The following RGS6 variants were observed in gnomAD, a reference collection of about 807,000 sequenced individuals.
RGS6 encodes the protein regulator of G-protein signaling 6.
In RGS6, 30 loss-of-function variants were observed where a neutral mutation model predicts 78.5. The ratio of observed to expected loss-of-function variants is 0.38; its 90% CI spans 0.29 to 0.52. The LOEUF (loss-of-function observed/expected upper bound fraction) is 0.52, where lower values mean the gene tolerates loss of function less well. Ranked by LOEUF, RGS6 falls within the 20% of genes least tolerant of loss-of-function variation. RGS6 has a pLI of 0.85. For synonymous variants in RGS6, 206 were observed against 206.0 expected (o/e 1.00, Z 0.00); for missense variants, 495 against 609.7 (o/e 0.81, Z 1.98).
At chr14:71,901,444 G>C in the RGS6 span, among the ~76,000 whole-genome samples, 2 of 152,170 alleles carry the variant, frequency 1.3e-5, no homozygotes, top group Admixed American at 1.3e-4. Context: ...TATTCATGTT[G>C]TTATTTTCCA....
chr14:72,067,123 C>T (rs951497002), intron 2 of RGS6, among the ~76,000 whole-genome samples: 4 of 152,114 alleles, frequency 2.6e-5, no homozygotes, highest in East Asian at 1.9e-4. Context: ...AATAAACATA[C>T]GTGTGCATGT....
At chr14:71,995,449 TA>T (rs2095157094) in intron 2 of RGS6, among the ~76,000 whole-genome samples, 1 of 152,158 alleles carries the variant, frequency 6.6e-6, no homozygotes, top group Non-Finnish European at 1.5e-5. Flanking sequence ...CACAGGGACA[TA>T]AGTGGAAAGC....
chr14:72,181,655 G>A (rs2097174529), intron 2 of RGS6, among the ~76,000 whole-genome samples: 1 of 152,174 alleles, frequency 6.6e-6, no homozygotes. Context: ...ATATTTGAAA[G>A]ATTGATATTT....
intron 3 of RGS6, among the ~76,000 whole-genome samples, chr14:72,386,388 A>C: frequency 6.6e-6 from 1 of 152,096 alleles, no homozygotes; most frequent in East Asian, 1.9e-4. Flanking sequence ...AATACAAAAA[A>C]TTAGCCAGGC....
At chr14:72,467,558 C>T (rs2095953613) in intron 7 of RGS6, among the ~76,000 whole-genome samples, 1 of 152,130 alleles carries the variant, frequency 6.6e-6, no homozygotes, top group South Asian at 2.1e-4. Context: ...AATGCGCATG[C>T]CATTGGGGAG....
At chr14:72,274,029 TGCTAATTCCAG>T (rs1163505326) in intron 2 of RGS6, among the ~76,000 whole-genome samples, 3 of 152,122 alleles carry the variant, frequency 2.0e-5, no homozygotes, top group Non-Finnish European at 4.4e-5. Context: ...TAGGAAACAG[TGCTAATTCCAG>T]GCTAGGACGG....
intron 2 of RGS6, among the ~76,000 whole-genome samples, chr14:72,117,062 T>C (rs1168483654): frequency 6.6e-6 from 1 of 151,894 alleles, no homozygotes; most frequent in Non-Finnish European, 1.5e-5. Flanking sequence ...GGAAGGGCCT[T>C]TGATTTGACA....
intron 2 of RGS6, among the ~76,000 whole-genome samples, chr14:72,225,784 G>A (rs753846274): frequency 4.6e-5 from 7 of 152,114 alleles, no homozygotes; most frequent in Non-Finnish European, 1.0e-4. Context: ...AATCAAATCT[G>A]GCTTCTTCAC....
intron 1 of RGS6, among the ~76,000 whole-genome samples, chr14:71,945,191 C>T (rs1381860401): frequency 6.6e-6 from 1 of 152,202 alleles, no homozygotes; most frequent in African/African-American, 2.4e-5. Flanking sequence ...CATTGCTCTT[C>T]ATTGTCTTAC....
At chr14:72,556,469 G>T (rs1326891717) in intron 17 of RGS6, among the ~76,000 whole-genome samples, 1 of 152,162 alleles carries the variant, frequency 6.6e-6, no homozygotes, top group African/African-American at 2.4e-5. Flanking sequence ...TGAGATTTGG[G>T]TTCAGACCCA....
At chr14:71,938,304 G>T (rs1019440438) in intron 1 of RGS6, among the ~76,000 whole-genome samples, 3 of 152,184 alleles carry the variant, frequency 2.0e-5, no homozygotes, top group South Asian at 2.1e-4. Context: ...ATTGGCTACA[G>T]CCCATGAATT....
At chr14:72,181,059 G>A (rs182802281) in intron 2 of RGS6, among the ~76,000 whole-genome samples, 5 of 152,228 alleles carry the variant, frequency 3.3e-5, no homozygotes, top group Admixed American at 1.3e-4. Context: ...GGAAAGTTTG[G>A]GCAGCAGCTG....
At chr14:71,997,928 C>G (rs1454280353) in intron 2 of RGS6, among the ~76,000 whole-genome samples, 1 of 152,006 alleles carries the variant, frequency 6.6e-6, no homozygotes. Flanking sequence ...TACTATGGAC[C>G]CAGAAAATCT....
In RGS6 at chr14:72,450,312, G is replaced by C. The variant is rs924328028; in HGVS notation, c.185-4216G>C. On this transcript the variant is annotated intron_variant, in intron 3 of 17. Transcript: ENST00000553525. ...ATTCAGTCCTCTATTAGAGGCCTTT[G>C]GTTTGTTCCCAGTCATCTAATAAAC... Among the ~76,000 whole-genome samples, 5 of 152,134 alleles carry C rather than the reference G, an allele frequency of 3.3e-5. No individual in the cohort carries two copies. In the East Asian group the frequency reaches 9.7e-4, roughly 29 times the overall value.
chr14:72,322,221 C>T (rs2072281761), intron 2 of RGS6, among the ~76,000 whole-genome samples: 2 of 151,622 alleles, frequency 1.3e-5, no homozygotes. Flanking sequence ...ATAATAAAAG[C>T]AGAAAATAGG....
intron 3 of RGS6, among the ~76,000 whole-genome samples, chr14:72,389,575 A>G (rs2089359090): frequency 6.6e-6 from 1 of 152,186 alleles, no homozygotes; most frequent in African/African-American, 2.4e-5. Flanking sequence ...TCTGTTTCCC[A>G]TGTTCCGTTA....
chr14:72,578,487 G>C, the RGS6 span, among the ~76,000 whole-genome samples: 1 of 152,200 alleles, frequency 6.6e-6, no homozygotes, highest in Non-Finnish European at 1.5e-5. Context: ...CCAGTCAAAA[G>C]CTTCCAGCAC....
In RGS6 at chr14:72,455,958, A is replaced by T. The variant is rs566117823; in HGVS notation, c.235+1380A>T. Reference sequence around the variant, plus strand: ...TCGTTGTATTTCTGACATATATTTTATTATTACTATTATGAGAACCCTAAA... The same window carrying T: ...TCGTTGTATTTCTGACATATATTTTTTTATTACTATTATGAGAACCCTAAA... On this transcript the variant is annotated intron_variant, in intron 4 of 17. Transcript: ENST00000553525. 3.9e-5 allele frequency among the ~76,000 whole-genome samples: 6 copies of T among 152,242 alleles called. No individual in the cohort carries two copies. The South Asian group carries it at 1.2e-3, about 32-fold the overall frequency.
chr14:72,543,873 T>C (rs1164611648), intron 17 of RGS6, among the ~76,000 whole-genome samples: 1 of 152,150 alleles, frequency 6.6e-6, no homozygotes, highest in Non-Finnish European at 1.5e-5. Context: ...GTAGCTGGGA[T>C]TACAGGCACA....
Sources: gnomAD v4.1 joint callset for allele counts (sites outside exome capture counted in the v4.1 genomes callset) on GRCh38, gnomAD v4.1.1 for gene constraint, MANE v1.5 for transcripts, NCBI Gene and HGNC (gene_info 2026-07-23, HGNC 2026-07-21) for gene names.